KAZN: variants seen among roughly 807,000 people sequenced by gnomAD.
KAZN encodes the protein kazrin.
Under a neutral mutation model 87.4 loss-of-function variants are expected in KAZN, and 40 were observed. The observed-to-expected ratio is 0.46, with a 90% CI of 0.36 to 0.60. The LOEUF (loss-of-function observed/expected upper bound fraction) is 0.60, where lower values mean the gene tolerates loss of function less well. KAZN is among the 20% of genes least tolerant of loss of function. The pLI, the probability that KAZN is intolerant of heterozygous loss-of-function variation, is 0.00. For missense variants in KAZN, 898 were observed against 1,073.9 expected (o/e 0.84, Z 2.29); for synonymous variants, 466 against 458.3 (o/e 1.02, Z -0.22).
At chr1:14,768,065 A>G (rs528496465) in intron 1 of KAZN, among the ~76,000 whole-genome samples, 4 of 152,202 alleles carry the variant, frequency 2.6e-5, no homozygotes, top group African/African-American at 7.2e-5. Flanking sequence ...CGAGATTTAC[A>G]TATTTCTTAA....
At chr1:13,976,457 A>T (rs1197627385) in intron 1 of KAZN, among the ~76,000 whole-genome samples, 1 of 151,938 alleles carries the variant, frequency 6.6e-6, no homozygotes, top group African/African-American at 2.4e-5. Flanking sequence ...CCTATATATT[A>T]TTCCCCGCAG....
In KAZN at chr1:14,802,603, G is replaced by A. The variant is rs149709667; in HGVS notation, c.227-158081G>A. Among the ~76,000 whole-genome samples, 167 of 152,244 alleles carry A rather than the reference G, an allele frequency of 1.1e-3. 1 individual carries two copies. Among genetic ancestry groups the A allele is most frequent in the African/African-American group, 3.7e-3 (154 of 41,542 alleles). On this transcript the variant is annotated intron_variant, in intron 1 of 14. Transcript: ENST00000376030. The stretch of plus-strand genomic sequence containing the variant: ...ACAGAGAAGTGTCTGGTCCCAGAGC[G>A]CAGCCGTCTCGGGGCTGGGAAACCT...
In KAZN at chr1:14,598,946, G is replaced by T. The variant is rs1572015876; in HGVS notation, c.-52G>T. ...GGGTGCCCGGCCGCGCGCCCCCCGC[G>T]CATCATGCAGCTCTTTGTCACCTCT... On this transcript the variant is annotated 5_prime_UTR_variant, in exon 1 of 15. Coordinates refer to ENST00000376030, the MANE Select transcript of KAZN (RefSeq NM_201628.3). This position sits in a 1 kb window ranked among gnomAD's most constrained non-coding sequence, Gnocchi z 4.2. The T allele has an allele frequency of 2.6e-6, 4 of 1,556,896 alleles. No individual in the cohort carries two copies. Among genetic ancestry groups the T allele is most frequent in the African/African-American group, 1.4e-5 (1 of 70,386 alleles).
chr1:15,034,416 C>A (rs972548638), intron 2 of KAZN, among the ~76,000 whole-genome samples: 2 of 152,200 alleles, frequency 1.3e-5, no homozygotes, highest in Non-Finnish European at 2.9e-5. Context: ...ATTCCTGAGC[C>A]ATGGGCCCCT....
intron 1 of KAZN, among the ~76,000 whole-genome samples, chr1:14,935,011 G>T (rs1273557575): frequency 6.6e-6 from 1 of 152,212 alleles, no homozygotes; most frequent in Non-Finnish European, 1.5e-5. Flanking sequence ...TCCCTGGCTG[G>T]GGAGGAGTTG....
chr1:14,576,478 T>C (rs1675194664), intron 2 of KAZN, among the ~76,000 whole-genome samples: 1 of 152,162 alleles, frequency 6.6e-6, no homozygotes, highest in African/African-American at 2.4e-5. Context: ...GATGGATGGA[T>C]GGATGGATGC....
In KAZN at chr1:14,368,209, C is replaced by A. The variant is rs936583339; in HGVS notation, c.249+187617C>A. On this transcript the variant is annotated intron_variant, in intron 2 of 16. Transcript: ENST00000636203. Reference sequence around the variant, plus strand: ...CAAGGAAAGAAAACAGGAGCAGGGACAAGCTTGGCTTCTCAACCACCATGT... The same window carrying A: ...CAAGGAAAGAAAACAGGAGCAGGGAAAAGCTTGGCTTCTCAACCACCATGT... Among the ~76,000 whole-genome samples, 3 of 152,246 alleles carry A rather than the reference C, an allele frequency of 2.0e-5. No homozygotes were observed. In the East Asian group the frequency reaches 5.8e-4, roughly 29 times the overall value.
chr1:14,495,622 C>T (rs989614961), intron 2 of KAZN, among the ~76,000 whole-genome samples: 3 of 151,868 alleles, frequency 2.0e-5, no homozygotes, highest in Admixed American at 6.6e-5. Flanking sequence ...TTTAGTTTGA[C>T]AGAAGTGATT....
intron 1 of KAZN, among the ~76,000 whole-genome samples, chr1:14,940,018 G>C (rs559915535): frequency 6.6e-6 from 1 of 152,144 alleles, no homozygotes; most frequent in Admixed American, 6.5e-5. Flanking sequence ...CCCCTGAAGC[G>C]CTTAAATGCC....
At chr1:14,511,089 G>A (rs531651165) in intron 2 of KAZN, among the ~76,000 whole-genome samples, 1 of 144,924 alleles carries the variant, frequency 6.9e-6, no homozygotes, top group Non-Finnish European at 1.5e-5. Context: ...AACACCATGG[G>A]CTTTAGAGTT....
chr1:14,469,779 T>A (rs1668352965), intron 2 of KAZN, among the ~76,000 whole-genome samples: 1 of 152,174 alleles, frequency 6.6e-6, no homozygotes, highest in Non-Finnish European at 1.5e-5. Context: ...GATGGGTTGT[T>A]CAACAAAATC....
At chr1:15,093,463 G>C (rs893382389) in intron 8 of KAZN, among the ~76,000 whole-genome samples, 1 of 152,048 alleles carries the variant, frequency 6.6e-6, no homozygotes, top group African/African-American at 2.4e-5. Context: ...CAGATTTAAA[G>C]GCGAAAGGAT....
At chr1:14,286,890 T>A (rs1055593850) in intron 2 of KAZN, among the ~76,000 whole-genome samples, 12 of 152,210 alleles carry the variant, frequency 7.9e-5, no homozygotes, top group Admixed American at 2.0e-4. Flanking sequence ...CTGCACACAT[T>A]TATGTAAACT....
chr1:15,036,079 C>T (rs1326728525), intron 3 of KAZN, among the ~76,000 whole-genome samples: 4 of 152,098 alleles, frequency 2.6e-5, no homozygotes, highest in African/African-American at 9.7e-5. Flanking sequence ...CGGGCATGCA[C>T]ATCACTTCCT....
At chr1:14,643,265 T>A (rs974589498) in intron 1 of KAZN, among the ~76,000 whole-genome samples, 3 of 152,246 alleles carry the variant, frequency 2.0e-5, no homozygotes, top group African/African-American at 7.2e-5. Context: ...GGTTATTTCA[T>A]CACCTCGGTA....
chr1:13,974,524 G>A (rs1383264256), intron 1 of KAZN, among the ~76,000 whole-genome samples: 2 of 152,302 alleles, frequency 1.3e-5, no homozygotes, highest in Middle Eastern at 3.4e-3. Context: ...TAAATCCAGT[G>A]ACAAGTGTCC....
chr1:14,059,385 A>T (rs1355443187), intron 1 of KAZN, among the ~76,000 whole-genome samples: 1 of 152,226 alleles, frequency 6.6e-6, no homozygotes, highest in Non-Finnish European at 1.5e-5. Context: ...AGGCCAAAGA[A>T]CTTGGAGTCT....
At chr1:14,304,815 G>A (rs868217742) in intron 2 of KAZN, among the ~76,000 whole-genome samples, 13 of 152,182 alleles carry the variant, frequency 8.5e-5, no homozygotes, top group African/African-American at 2.9e-4. Context: ...ACAGTTCACC[G>A]AGCTCCTGGA....
At chr1:14,701,833 C>T (rs1433723097) in intron 1 of KAZN, among the ~76,000 whole-genome samples, 1 of 152,100 alleles carries the variant, frequency 6.6e-6, no homozygotes, top group Admixed American at 6.6e-5. Context: ...GAAGGTGGCA[C>T]CTGCCCTTCC....
Sources: allele counts gnomAD v4.1 joint callset (sites outside exome capture counted in the v4.1 genomes callset), GRCh38; gene constraint gnomAD v4.1.1; non-coding constraint Gnocchi (gnomAD v3.1); transcripts MANE v1.5; gene names NCBI Gene and HGNC (gene_info 2026-07-23, HGNC 2026-07-21).